PCSK6: variants seen among roughly 807,000 people sequenced by gnomAD.
PCSK6 encodes the protein paired basic amino acid cleaving enzyme 4.
In PCSK6, 85 loss-of-function variants were observed where a neutral mutation model predicts 123.3. The ratio of observed to expected loss-of-function variants is 0.69; its 90% CI spans 0.58 to 0.83. PCSK6 has a LOEUF of 0.83. Ranked by LOEUF, PCSK6 falls within the 40% of genes least tolerant of loss-of-function variation. The pLI is 0.00. For synonymous variants in PCSK6, 508 were observed against 516.0 expected, an observed-to-expected ratio of 0.98 and a Z score of 0.21; for missense variants, 1,191 against 1,282.3, an observed-to-expected ratio of 0.93 and a Z score of 1.09.
intron 2 of PCSK6, among the ~76,000 whole-genome samples, chr15:101,433,854 C>T (rs1336007444): frequency 6.6e-6 from 1 of 152,242 alleles, no homozygotes; most frequent in Admixed American, 6.5e-5. Flanking sequence ...TCCAAGACAT[C>T]CTTGGTGTAC....
chr15:101,450,701 G>C (rs1036121066), intron 1 of PCSK6, among the ~76,000 whole-genome samples: 80 of 152,312 alleles, frequency 5.3e-4, no homozygotes, highest in Middle Eastern at 6.8e-3. Flanking sequence ...CCCGCATCCA[G>C]AGGTGGGGTG....
chr15:101,489,467 G>A lies in PCSK6; in HGVS notation c.204C>T (p.Pro68=), dbSNP rs1462684341. 1.4e-4 allele frequency: 153 copies of A among 1,109,988 alleles called. No homozygotes were observed. Among genetic ancestry groups the A allele is most frequent in the Non-Finnish European group, 1.6e-4 (142 of 909,688 alleles). 68.8% of individuals were successfully genotyped at this position (1,109,988 alleles called of 1,614,324 possible). The part of the protein sequence containing the change: ...PAACSAPPPR[P]VYTNHWAVQV... ...GCACCGCCCAGTGGTTGGTGTAGACGGGGCGCGGCGGGGGCGCGGAGCAGG... is the reference window on the plus strand; with the variant it reads ...GCACCGCCCAGTGGTTGGTGTAGACAGGGCGCGGCGGGGGCGCGGAGCAGG... The change falls in exon 1 of 22, where the codon CCC becomes CCT. Residue 68 remains proline (P), a synonymous_variant. Coordinates refer to ENST00000611716, the MANE Select transcript of PCSK6 (RefSeq NM_002570.5).
intron 12 of PCSK6, among the ~76,000 whole-genome samples, chr15:101,366,634 C>T (rs1470773996): frequency 6.6e-6 from 1 of 152,152 alleles, no homozygotes. Context: ...CAAGCTCTCA[C>T]CAACAGAAGC....
intron 6 of PCSK6, among the ~76,000 whole-genome samples, chr15:101,423,118 A>G (rs1195190086): frequency 2.0e-5 from 3 of 152,240 alleles, no homozygotes; most frequent in East Asian, 1.9e-4. Flanking sequence ...AAAAGACTTT[A>G]AAGTATTTCT....
chr15:101,444,559 C>A (rs28655107), intron 1 of PCSK6, among the ~76,000 whole-genome samples: 6,015 of 152,274 alleles, frequency 0.04, 352 homozygotes, highest in African/African-American at 0.13. Flanking sequence ...TGGTCCTCTA[C>A]AGCAGTTCTA....
At chr15:101,378,870 T>C in intron 11 of PCSK6, among the ~76,000 whole-genome samples, 1 of 152,242 alleles carries the variant, frequency 6.6e-6, no homozygotes, top group East Asian at 1.9e-4. Flanking sequence ...TTTTTTCAAA[T>C]GACGGAGCTG....
chr15:101,467,182 A>G (rs945051451), intron 1 of PCSK6, among the ~76,000 whole-genome samples: 4 of 151,964 alleles, frequency 2.6e-5, no homozygotes, highest in Non-Finnish European at 5.9e-5. Flanking sequence ...GTATATGTAC[A>G]CCCAGTAATC....
At chr15:101,376,912 C>T (rs1420031718) in intron 11 of PCSK6, among the ~76,000 whole-genome samples, 2 of 152,280 alleles carry the variant, frequency 1.3e-5, no homozygotes, top group African/African-American at 2.4e-5. Context: ...GTAAGGGCCT[C>T]CTGTGGTACC....
At chr15:101,390,354 G>C (rs1263028561) in intron 8 of PCSK6, among the ~76,000 whole-genome samples, 3 of 112,828 alleles carry the variant, frequency 2.7e-5, no homozygotes, top group African/African-American at 5.8e-5. Context: ...TGGGATTGTC[G>C]CCCCATCATC....
intron 11 of PCSK6, among the ~76,000 whole-genome samples, chr15:101,372,239 G>A (rs909079937): frequency 2.6e-5 from 4 of 152,080 alleles, no homozygotes; most frequent in African/African-American, 9.7e-5. Context: ...CCCACCACAC[G>A]ACCGGTGCTT....
intron 13 of PCSK6, among the ~76,000 whole-genome samples, chr15:101,354,548 C>T (rs540712860): frequency 6.6e-6 from 1 of 152,376 alleles, no homozygotes; most frequent in Non-Finnish European, 1.5e-5. Context: ...TGCTGTAAAG[C>T]AATGAAATCT....
intron 13 of PCSK6, among the ~76,000 whole-genome samples, chr15:101,332,461 C>T (rs2040391861): frequency 6.6e-6 from 1 of 152,154 alleles, no homozygotes; most frequent in African/African-American, 2.4e-5. Flanking sequence ...GTGAGTCTTG[C>T]CCTACAGCAT....
chr15:101,481,194 A>G (rs2057870344), intron 1 of PCSK6, among the ~76,000 whole-genome samples: 1 of 152,208 alleles, frequency 6.6e-6, no homozygotes, highest in Non-Finnish European at 1.5e-5. Flanking sequence ...CCAGCAGGCA[A>G]CGTCCAGGTG....
intron 1 of PCSK6, among the ~76,000 whole-genome samples, chr15:101,446,408 C>T (rs994509860): frequency 3.3e-5 from 5 of 152,256 alleles, no homozygotes; most frequent in African/African-American, 9.6e-5. Flanking sequence ...TTTATGGACA[C>T]GTGGATTACT....
intron 6 of PCSK6, among the ~76,000 whole-genome samples, chr15:101,423,645 G>A (rs1398576913): frequency 2.6e-5 from 4 of 151,852 alleles, no homozygotes; most frequent in African/African-American, 9.7e-5. Flanking sequence ...CATTCCATTC[G>A]AAGCAGAGAA....
intron 11 of PCSK6, among the ~76,000 whole-genome samples, chr15:101,372,582 A>T (rs4965835): frequency 0.13 from 19,742 of 152,102 alleles, 1,823 homozygotes; most frequent in East Asian, 0.43. Flanking sequence ...GAGTTCCAGG[A>T]CCTGCAGGGC....
At chr15:101,405,931 T>C (rs956338308) in intron 6 of PCSK6, among the ~76,000 whole-genome samples, 3 of 152,168 alleles carry the variant, frequency 2.0e-5, no homozygotes, top group Non-Finnish European at 4.4e-5. Flanking sequence ...TTAGTAGAGA[T>C]GGGGCTTCGC....
chr15:101,321,641 G>A (rs1245006682), intron 18 of PCSK6, among the ~76,000 whole-genome samples: 1 of 152,264 alleles, frequency 6.6e-6, no homozygotes, highest in African/African-American at 2.4e-5. Flanking sequence ...CACAGCATTT[G>A]AGAAGGGAGA....
chr15:101,372,766 A>C (rs1407281524), intron 11 of PCSK6, among the ~76,000 whole-genome samples: 3 of 152,116 alleles, frequency 2.0e-5, no homozygotes, highest in Non-Finnish European at 4.4e-5. Context: ...CAACCCCAAA[A>C]ACCAGGAATA....
Sources: gnomAD v4.1 joint callset for allele counts (sites outside exome capture counted in the v4.1 genomes callset) on GRCh38, gnomAD v4.1.1 for gene constraint, MANE v1.5 for transcripts, NCBI Gene and HGNC (gene_info 2026-07-23, HGNC 2026-07-21) for gene names.